The following METTL27 variants were observed in gnomAD, a reference collection of about 807,000 sequenced individuals.
The protein encoded by METTL27 is methyltransferase-like protein 27.
METTL27 carries 29 observed loss-of-function variants against 24.5 expected under a neutral mutation model. The observed-to-expected ratio is 1.18, with a 90% CI of 0.88 to 1.61. The LOEUF is 1.61. Ranked by LOEUF, METTL27 falls within the 40% of genes most tolerant of loss-of-function variation. The pLI, the probability that METTL27 is intolerant of heterozygous loss-of-function variation, is 0.00. For missense variants in METTL27, 341 were observed against 324.3 expected, an observed-to-expected ratio of 1.05 and a Z score of -0.40; for synonymous variants, 138 against 146.8, an observed-to-expected ratio of 0.94 and a Z score of 0.43.
Position 73,842,158 on chromosome 7 carries a change from G to A in METTL27, c.-4-14C>T. The A allele has an allele frequency of 1.3e-6, 2 of 1,595,786 alleles. No individual in the cohort carries two copies. The highest frequency in any genetic ancestry group is 1.7e-6 in the Non-Finnish European group (2 of 1,173,400). On this transcript the variant is annotated splice_polypyrimidine_tract_variant and intron_variant, in intron 1 of 5. Transcript: ENST00000297873. The stretch of plus-strand genomic sequence containing the variant: ...TGGGCCATGCTCCTGTGGGGACACC[G>A]TTGCCCTGTCTCGAGGTCCACCTCA...
At chr7:73,836,298 G>A (rs1584336114) in intron 5 of METTL27, among the ~76,000 whole-genome samples, 3 of 135,684 alleles carry the variant, frequency 2.2e-5, no homozygotes, top group African/African-American at 5.4e-5. Context: ...CCCCCCGCCC[G>A]GCCAGCTGCC....
intron 5 of METTL27, among the ~76,000 whole-genome samples, chr7:73,837,474 TAAAAAAAA>T (rs545986182): frequency 1.2e-5 from 1 of 81,878 alleles, no homozygotes; most frequent in Non-Finnish European, 2.7e-5. Context: ...AATGTTCCAA[TAAAAAAAA>T]AAAAAAAAAA....
chr7:73,836,350 C>T (rs1393450740), intron 5 of METTL27, among the ~76,000 whole-genome samples: 2 of 136,018 alleles, frequency 1.5e-5, no homozygotes, highest in Non-Finnish European at 1.6e-5. Context: ...GCCGCCCCTA[C>T]TGGGAAGTGA....
intron 4 of METTL27, 116 bp from the exon 5 acceptor site, chr7:73,840,236 G>C: frequency 6.9e-7 from 1 of 1,451,938 alleles, no homozygotes; most frequent in Non-Finnish European, 9.3e-7. Context: ...GCATCTGCAG[G>C]ACCCAGGTCC....
In METTL27 at chr7:73,834,851, C is replaced by A; in HGVS notation, c.630G>T (p.Trp210Cys). 5.6e-6 allele frequency: 9 copies of A among 1,614,092 alleles called. No homozygotes were observed. Among genetic ancestry groups the A allele is most frequent in the Non-Finnish European group, 7.6e-6 (9 of 1,180,024 alleles). ...PVDRLWTAGS[W>C]LPPSWRWYPA... is the part of the protein sequence containing the mutation. ...GATACCACCTCCAGCTCGGAGGTAGCCAGCTCCCAGCGGTCCACAGGCGGT... is the reference window on the plus strand; with the variant it reads ...GATACCACCTCCAGCTCGGAGGTAGACAGCTCCCAGCGGTCCACAGGCGGT... The change falls in exon 6 of 6, where the codon TGG becomes TGT. Residue 210 changes from tryptophan (W) to cysteine (C), a missense_variant. By Grantham distance (215) the Trp-to-Cys change is radical. Transcript: ENST00000297873.
intron 5 of METTL27, among the ~76,000 whole-genome samples, chr7:73,838,667 G>A (rs1323977774): frequency 6.6e-6 from 1 of 152,190 alleles, no homozygotes; most frequent in Non-Finnish European, 1.5e-5. Context: ...TAGGAAGTCC[G>A]ATCCTGGCTG....
At position 73,840,512 on chromosome 7, in the gene METTL27, T is replaced by TCC; in HGVS notation, c.288_289dup (p.Asp97GlyfsTer41). On this transcript the variant is annotated frameshift_variant, in exon 4 of 6. Coordinates refer to ENST00000297873, the MANE Select transcript of METTL27 (RefSeq NM_152559.3). LOFTEE classifies it high-confidence loss of function. The stretch of plus-strand genomic sequence containing the variant: ...CTGTTCCAGCATCCCTGGGCTCCCA[T>TCC]CCACCCCATGCAGCTGGAGGAAGCC... 1 of 1,610,366 alleles carries TCC rather than the reference T, an allele frequency of 6.2e-7. No homozygotes were observed. Among genetic ancestry groups the TCC allele is most frequent in the East Asian group, 2.2e-5 (1 of 44,806 alleles).
intron 3 of METTL27, 83 bp downstream of exon 3, chr7:73,840,987 G>GCAGGGTTCTGGGGC: frequency 7.2e-7 from 1 of 1,390,136 alleles, no homozygotes; most frequent in Non-Finnish European, 9.3e-7. Context: ...GAGGTGTGGG[G>GCAGGGTTCTGGGGC]CAGGGTTCTG....
intron 5 of METTL27, 40 bp downstream of exon 5, chr7:73,839,991 G>C: frequency 6.4e-7 from 1 of 1,567,626 alleles, no homozygotes; most frequent in Admixed American, 1.7e-5. Flanking sequence ...AAGGTATATG[G>C]TGACGGGGGT....
In METTL27 at chr7:73,841,199, C is replaced by A; in HGVS notation, c.124-1G>T. On this transcript the variant is annotated splice_acceptor_variant, in intron 2 of 5. Coordinates refer to ENST00000297873, the MANE Select transcript of METTL27 (RefSeq NM_152559.3). LOFTEE classifies it high-confidence loss of function. ...CACGGTACAGCAGGGTGGCCACATC[C>A]TGGGGAAAGAGTGCCGGGCCTACAA... 1 of 1,557,566 alleles carries A rather than the reference C, an allele frequency of 6.4e-7. No homozygotes were observed. The highest frequency in any genetic ancestry group is 2.1e-5 in the Admixed American group (1 of 48,440).
In METTL27 at chr7:73,840,512, T is replaced by A. The variant is rs1554636185; in HGVS notation, c.290A>T (p.Asp97Val). 30 of 1,610,366 alleles carry A rather than the reference T, an allele frequency of 1.9e-5. No individual in the cohort carries two copies. The highest frequency in any genetic ancestry group is 2.5e-5 in the Non-Finnish European group (30 of 1,178,690). Residue 97 changes from aspartate to valine, a missense_variant, in exon 4 of 6, where the codon GAT (aspartate) becomes GTT (valine). Transcript: ENST00000297873. ...CTGTTCCAGCATCCCTGGGCTCCCA[T>A]CCACCCCATGCAGCTGGAGGAAGCC... is the stretch of plus-strand genomic sequence containing the variant. ...APGFLQLHGV[D>V]GSPGMLEQAQ...
rs1788340570 is a variant in METTL27 at position 73,841,094 on chromosome 7, A to C, written c.228T>G (p.Cys76Trp). 2 of 1,513,474 alleles carry C rather than the reference A, an allele frequency of 1.3e-6. No homozygotes were observed. Among genetic ancestry groups the C allele is most frequent in the Non-Finnish European group, 1.8e-6 (2 of 1,140,730 alleles). 93.8% of individuals were successfully genotyped at this position (1,513,474 alleles called of 1,614,324 possible). Residue 76 changes from cysteine (C) to tryptophan (W), a missense_variant, in exon 3 of 6, where the codon TGT becomes TGG. Coordinates refer to ENST00000297873, the MANE Select transcript of METTL27 (RefSeq NM_152559.3). ...CCTCGGCAGCCACTAGGCCTGTGCC[A>C]CAGGCCACGTCCAGGATCAGGGCAC... ...PHSALILDVA[C>W]GTGLVAAELR...
At position 73,841,162 on chromosome 7, in the gene METTL27, C is replaced by T. The variant is rs141688562; in HGVS notation, c.160G>A (p.Ala54Thr). The part of the protein sequence containing the change: ...ATLLYRAPRL[A>T]VDCLTQALPG... ...AGGGCTTGTGTGAGGCAGTCCACTG[C>T]GAGGCGGGGCGCACGGTACAGCAGG... Residue 54 changes from alanine to threonine, a missense_variant, in exon 3 of 6, where the codon GCA (alanine) becomes ACA (threonine). Transcript: ENST00000297873. 2.9e-3 allele frequency: 4,501 copies of T among 1,548,442 alleles called. 7 individuals carry two copies. The highest frequency in any genetic ancestry group is 3.6e-3 in the Non-Finnish European group (4,116 of 1,156,628).
At chr7:73,835,503 G>A (rs868950496) in intron 5 of METTL27, among the ~76,000 whole-genome samples, 1 of 102,948 alleles carries the variant, frequency 9.7e-6, no homozygotes, top group Non-Finnish European at 2.1e-5. Flanking sequence ...ATGGAGTCTC[G>A]TTCACTCAGT....
rs1554634700 is a variant in METTL27 at position 73,834,780 on chromosome 7, C to T, written c.701G>A (p.Cys234Tyr). 12 of 1,614,138 alleles carry T rather than the reference C, an allele frequency of 7.4e-6. No homozygotes were observed. Among genetic ancestry groups the T allele is most frequent in the Non-Finnish European group, 1.0e-5 (12 of 1,180,028 alleles). The change falls in exon 6 of 6, where the codon TGT becomes TAT. Residue 234 changes from cysteine (C) to tyrosine (Y), a missense_variant. Physicochemically the swap from Cys to Tyr is radical, Grantham distance 194 (BLOSUM62 -2). Coordinates refer to ENST00000297873, the MANE Select transcript of METTL27 (RefSeq NM_152559.3). ...RMASSPALST[C>Y]TESGRRPRLR... ...CCTGGGTCGCCTTCCACTTTCGGTA[C>T]AGGTAGACAATGCCGGAGATGAAGC...
At chr7:73,838,625 G>A (rs575087938) in intron 5 of METTL27, among the ~76,000 whole-genome samples, 7 of 152,300 alleles carry the variant, frequency 4.6e-5, no homozygotes, top group Non-Finnish European at 1.0e-4. Context: ...CAGCCTGATG[G>A]GGCTGAAGGG....
chr7:73,834,881 A>G lies in METTL27; in HGVS notation c.600T>C (p.Pro200=). 2 of 1,614,014 alleles carry G rather than the reference A, an allele frequency of 1.2e-6. No individual in the cohort carries two copies. Among genetic ancestry groups the G allele is most frequent in the Non-Finnish European group, 1.7e-6 (2 of 1,179,976 alleles). The change falls in exon 6 of 6, where the codon CCT becomes CCC. Residue 200 remains proline (P), a synonymous_variant. Transcript: ENST00000297873. ...AGMWEGLVAW[P]VDRLWTAGSW... ...TCCCAGCGGTCCACAGGCGGTCCAC[A>G]GGCCAGGCCACCAGGCCTTCCCACA...
intron 5 of METTL27, among the ~76,000 whole-genome samples, chr7:73,835,971 G>A (rs1240291246): frequency 4.7e-5 from 7 of 147,676 alleles, no homozygotes; most frequent in Non-Finnish European, 1.0e-4. Context: ...GAGCCCCTCC[G>A]CCTGGCAGCC....
chr7:73,834,951 T>G lies in METTL27; in HGVS notation c.530A>C (p.Lys177Thr). The change falls in exon 6 of 6, where the codon AAG (lysine) becomes ACG (threonine). Residue 177 changes from lysine to threonine, a missense_variant. Physicochemically the swap from Lys to Thr is moderately conservative, Grantham distance 78. Transcript: ENST00000297873. ...TRTNSSNLQY[K>T]EALEATLDRL... Reference sequence around the variant, plus strand: ...GTCCAGGGTGGCCTCCAGAGCCTCCTTGTATTGAAGGTTGGACGAGTTGGT... The same window carrying G: ...GTCCAGGGTGGCCTCCAGAGCCTCCGTGTATTGAAGGTTGGACGAGTTGGT... 1.2e-6 allele frequency: 2 copies of G among 1,613,750 alleles called. No individual in the cohort carries two copies. The highest frequency in any genetic ancestry group is 1.7e-6 in the Non-Finnish European group (2 of 1,179,940).
Sources: gnomAD v4.1 joint callset for allele counts (sites outside exome capture counted in the v4.1 genomes callset) on GRCh38, gnomAD v4.1.1 for gene constraint, MANE v1.5 for transcripts, NCBI Gene and HGNC (gene_info 2026-07-23, HGNC 2026-07-21) for gene names.